ITGAX: variants seen among roughly 807,000 people sequenced by gnomAD.
The protein encoded by ITGAX is integrin alpha-X.
In ITGAX, 99 loss-of-function variants were observed where a neutral mutation model predicts 140.2. The ratio of observed to expected loss-of-function variants is 0.71; its 90% CI spans 0.60 to 0.83. The LOEUF (loss-of-function observed/expected upper bound fraction) is 0.83, where lower values mean the gene tolerates loss of function less well. ITGAX is among the 40% of genes least tolerant of loss of function. The pLI, the probability that ITGAX is intolerant of heterozygous loss-of-function variation, is 0.00. For missense variants in ITGAX, 1,444 were observed against 1,482.0 expected (o/e 0.97, Z 0.42); for synonymous variants, 631 against 600.4 (o/e 1.05, Z -0.75).
intron 20 of ITGAX, among the ~76,000 whole-genome samples, chr16:31,376,385 A>T (rs1399472556): frequency 6.6e-6 from 1 of 151,980 alleles, no homozygotes; most frequent in East Asian, 1.9e-4. Flanking sequence ...TTTTGGGGGG[A>T]CAAGATGGGA....
chr16:31,363,448 TG>T, intron 14 of ITGAX, 74 bp downstream of exon 14: 1 of 1,545,750 alleles, frequency 6.5e-7, no homozygotes, highest in Non-Finnish European at 8.9e-7. Flanking sequence ...ACTGGAAAAC[TG>T]TCCCTTTTTA....
chr16:31,360,098 A>T, intron 7 of ITGAX, 33 bp downstream of exon 7: 1 of 1,605,102 alleles, frequency 6.2e-7, no homozygotes, highest in Non-Finnish European at 8.5e-7. Flanking sequence ...CACAGTCCCA[A>T]AGCACCCAGG....
chr16:31,356,693 A>T lies in ITGAX; in HGVS notation c.212A>T (p.Tyr71Phe). 2.5e-6 allele frequency: 4 copies of T among 1,597,534 alleles called. No individual in the cohort carries two copies. The highest frequency in any genetic ancestry group is 3.4e-6 in the Non-Finnish European group (4 of 1,173,280). The change falls in exon 3 of 30, where the codon TAC becomes TTC. Residue 71 changes from tyrosine to phenylalanine, a missense_variant. Physicochemically the swap from Tyr to Phe is conservative, Grantham distance 22. Coordinates refer to ENST00000268296, the MANE Select transcript of ITGAX (RefSeq NM_000887.5). ...NQTGGLYQCG[Y>F]STGACEPIGL... The stretch of plus-strand genomic sequence containing the variant: ...ACGGGTGGCCTCTACCAGTGTGGCT[A>T]CAGCACTGGTGCCTGTGAGCCCATC...
chr16:31,371,104 C>G lies in ITGAX; in HGVS notation c.1731C>G (p.Leu577=), dbSNP rs1295250713. Residue 577 remains leucine, a synonymous_variant, in exon 15 of 30, where the codon CTC becomes CTG. Coordinates refer to ENST00000268296, the MANE Select transcript of ITGAX (RefSeq NM_000887.5). ...GCCAGCGGATCGCGGGCTCCCAGCT[C>G]TCCTCCAGGCTGCAGTATTTTGGGC... ...SHSQRIAGSQ[L]SSRLQYFGQA... 6.2e-7 allele frequency: 1 copy of G among 1,614,152 alleles called. No homozygotes were observed. The highest frequency in any genetic ancestry group is 1.1e-5 in the South Asian group (1 of 91,080).
rs539431776 is a variant in ITGAX, at chr16:31,357,924, T to C, written c.430+560T>C. On this transcript the variant is annotated intron_variant, in intron 5 of 29. Coordinates refer to ENST00000268296, the MANE Select transcript of ITGAX (RefSeq NM_000887.5). ...GTGTGTGTGCGTGTGCACATGCAGG[T>C]TGAGACGCAGGGCCTGACTTCCCTG... The C allele has an allele frequency of 3.3e-5, 6 of 181,620 alleles. No homozygotes were observed. In the East Asian group the frequency reaches 6.6e-4, roughly 20 times the overall value. 11.3% of individuals were successfully genotyped at this position (181,620 alleles called of 1,614,324 possible).
chr16:31,381,991 C>T lies in ITGAX; in HGVS notation c.*84C>T. 1.4e-6 allele frequency: 2 copies of T among 1,456,212 alleles called. No homozygotes were observed. Among genetic ancestry groups the T allele is most frequent in the East Asian group, 2.5e-5 (1 of 40,214 alleles). 90.2% of individuals were successfully genotyped at this position (1,456,212 alleles called of 1,614,324 possible). A position where few individuals can be genotyped will look rare whatever the true frequency, so the allele number is the denominator to read the frequency against. On this transcript the variant is annotated 3_prime_UTR_variant, in exon 30 of 30. Transcript: ENST00000268296. ...ACCTGTCAGGCCTGACGGGGAGGAA[C>T]CACTGCACCACCGAGAGAGGCTGGG... is the stretch of plus-strand genomic sequence containing the variant.
intron 8 of ITGAX, 153 bp from the exon 9 acceptor site, chr16:31,360,909 TA>T: frequency 1.4e-6 from 1 of 700,140 alleles, no homozygotes; most frequent in Non-Finnish European, 2.4e-6. Flanking sequence ...TCCTTTCTCC[TA>T]AACTCCCTGA....
rs1333990521 is a variant in ITGAX, at chr16:31,362,608, C to T, written c.1217-3C>T. 5 of 1,610,256 alleles carry T rather than the reference C, an allele frequency of 3.1e-6. No individual in the cohort carries two copies. In the South Asian group the frequency reaches 4.4e-5, roughly 14 times the overall value. On this transcript the variant is annotated splice_polypyrimidine_tract_variant and splice_region_variant and intron_variant, in intron 11 of 29. Transcript: ENST00000268296. ...CCTTTGTGCTGAGGCCTGGGCCCCT[C>T]AGGTTACTCCACCGAGCTGGCCCTC...
intron 20 of ITGAX, among the ~76,000 whole-genome samples, chr16:31,374,026 C>T (rs1450231777): frequency 6.6e-6 from 1 of 152,144 alleles, no homozygotes; most frequent in African/African-American, 2.4e-5. Flanking sequence ...TGGTGGCTCA[C>T]GCCTGTAATC....
chr16:31,379,501 T>A (rs2081048383), intron 23 of ITGAX, 67 bp from the exon 24 acceptor site: 1 of 1,462,070 alleles, frequency 6.8e-7, no homozygotes, highest in Non-Finnish European at 9.4e-7. Context: ...CCTCTCATGC[T>A]CTAGCCAATG....
rs749184943 is a variant in ITGAX, at chr16:31,360,448, C to G, written c.846C>G (p.Ile282Met). 1 of 1,610,704 alleles carries G rather than the reference C, an allele frequency of 6.2e-7. No homozygotes were observed. Among genetic ancestry groups the G allele is most frequent in the Non-Finnish European group, 8.5e-7 (1 of 1,178,498 alleles). The change falls in exon 8 of 30, where the codon ATC (isoleucine) becomes ATG (methionine). Residue 282 changes from isoleucine to methionine, a missense_variant. Ile to Met is a conservative substitution (Grantham distance 10). Transcript: ENST00000268296. ...VIPMADAAGI[I>M]RYAIGVGLAF... ...CCATGGCTGATGCAGCAGGCATCAT[C>G]CGCTATGCAATTGGGGTAGGGCGTG...
At chr16:31,372,694 G>A (rs1236559064) in intron 19 of ITGAX, 24 bp downstream of exon 19, 18 of 1,602,780 alleles carry the variant, frequency 1.1e-5, no homozygotes, top group Non-Finnish European at 1.5e-5. Flanking sequence ...CCTTAGACCT[G>A]CCCTACTGCC....
intron 14 of ITGAX, among the ~76,000 whole-genome samples, chr16:31,366,057 C>G (rs61391117): frequency 0.017 from 2,654 of 152,356 alleles, 87 homozygotes; most frequent in African/African-American, 0.061. Context: ...CCAATTCCCA[C>G]AACCCATCAC....
chr16:31,375,748 G>A (rs150760360), intron 20 of ITGAX, among the ~76,000 whole-genome samples: 18 of 152,308 alleles, frequency 1.2e-4, no homozygotes, highest in South Asian at 1.0e-3. Context: ...TATTCCCAGC[G>A]GAAGCGCATT....
intron 20 of ITGAX, among the ~76,000 whole-genome samples, chr16:31,376,240 T>TAAC (rs1234938655): frequency 6.6e-6 from 1 of 152,174 alleles, no homozygotes; most frequent in East Asian, 1.9e-4. Context: ...GCCTTTAAAA[T>TAAC]AACAATAAAA....
chr16:31,355,437 C>T (rs9938765), intron 1 of ITGAX, 146 bp downstream of exon 1: 746,566 of 794,126 alleles, frequency 0.94, 351,439 homozygotes, highest in East Asian at 1. Flanking sequence ...CACATAGGGT[C>T]TGAGATTTGG....
chr16:31,368,523 T>C (rs1421368973), intron 14 of ITGAX, among the ~76,000 whole-genome samples: 3 of 150,934 alleles, frequency 2.0e-5, no homozygotes, highest in African/African-American at 2.4e-5. Context: ...AAGAATATTA[T>C]ATAAACGTAG....
rs544645949 is a variant in ITGAX at position 31,377,971 on chromosome 16, GTGTT to G, written c.2789+709_2789+712del. Among the ~76,000 whole-genome samples the G allele has an allele frequency of 1.1e-4, 16 of 152,330 alleles. No homozygotes were observed. The South Asian group carries it at 3.3e-3, about 32-fold the overall frequency. ...GCTTCAGAGTAGGCGTGGTGGGCTG[GTGTT>G]TGGACTATGCCAGCTGGAGGACAGG... On this transcript the variant is annotated intron_variant, in intron 23 of 29. Transcript: ENST00000268296.
At chr16:31,371,846 A>G in intron 17 of ITGAX, 62 bp downstream of exon 17, 1 of 1,580,614 alleles carries the variant, frequency 6.3e-7, no homozygotes, top group Admixed American at 1.7e-5. Context: ...CAGGGCAGGG[A>G]GAGAACAGGC....
Sources: gnomAD v4.1 joint callset for allele counts (sites outside exome capture counted in the v4.1 genomes callset) on GRCh38, gnomAD v4.1.1 for gene constraint, MANE v1.5 for transcripts, NCBI Gene and HGNC (gene_info 2026-07-23, HGNC 2026-07-21) for gene names.